The following JAKMIP3 variants were observed in gnomAD, a reference collection of about 807,000 sequenced individuals.
JAKMIP3 encodes Janus kinase and microtubule interacting protein 3.
JAKMIP3 carries 58 observed loss-of-function variants against 118.5 expected under a neutral mutation model. The ratio of observed to expected loss-of-function variants is 0.49; its 90% CI spans 0.40 to 0.61. The LOEUF (loss-of-function observed/expected upper bound fraction) is 0.61, where lower values mean the gene tolerates loss of function less well. JAKMIP3 is among the 20% of genes least tolerant of loss of function. The pLI is 0.00. For missense variants in JAKMIP3, 950 were observed against 1,109.0 expected (o/e 0.86, Z 2.04); for synonymous variants, 486 against 451.2 (o/e 1.08, Z -0.98).
At chr10:132,103,351 T>G (rs2045321350) in intron 1 of JAKMIP3, among the ~76,000 whole-genome samples, 1 of 143,310 alleles carries the variant, frequency 7.0e-6, no homozygotes, top group African/African-American at 2.6e-5. Flanking sequence ...AAGCAGCTGC[T>G]GGAGAGGAAC....
chr10:132,094,058 C>T (rs2134492930), intron 1 of JAKMIP3, among the ~76,000 whole-genome samples: 1 of 151,934 alleles, frequency 6.6e-6, no homozygotes, highest in South Asian at 2.1e-4. Flanking sequence ...TTGCCTCAGC[C>T]TCCCAAGTTG....
chr10:132,182,380 G>A lies in JAKMIP3; in HGVS notation c.*1127G>A, dbSNP rs2061579996. The A allele has an allele frequency of 6.6e-6, 1 of 152,236 alleles. No homozygotes were observed. Among genetic ancestry groups the A allele is most frequent in the African/African-American group, 2.4e-5 (1 of 41,452 alleles). 9.4% of individuals were successfully genotyped at this position (152,236 alleles called of 1,614,324 possible). ...AGAGAGGAAGCAGTGCATTGGTGAA[G>A]GCAACGTTAGGTGTGATTTCCATTC... is the stretch of plus-strand genomic sequence containing the variant. On this transcript the variant is annotated 3_prime_UTR_variant, in exon 24 of 24. Coordinates refer to ENST00000684848, the MANE Select transcript of JAKMIP3 (RefSeq NM_001323087.2).
chr10:132,097,904 TCCCC>T (rs2044148318), intron 1 of JAKMIP3, among the ~76,000 whole-genome samples: 5 of 62,726 alleles, frequency 8.0e-5, no homozygotes, highest in East Asian at 5.9e-4. Flanking sequence ...CCCTTCCCCT[TCCCC>T]TTCCCCTTCC....
intron 3 of JAKMIP3, among the ~76,000 whole-genome samples, chr10:132,131,888 G>A (rs1418128700): frequency 6.6e-6 from 1 of 152,150 alleles, no homozygotes; most frequent in Non-Finnish European, 1.5e-5. Context: ...GGGGTGCGGC[G>A]CCTGCACAGG....
chr10:132,057,394 G>C (rs1282275214), intron 1 of JAKMIP3, among the ~76,000 whole-genome samples: 1 of 152,234 alleles, frequency 6.6e-6, no homozygotes, highest in African/African-American at 2.4e-5. Context: ...TGTGGTTCCA[G>C]GAAGCCCAGA....
At chr10:132,094,472 TC>T (rs1430345489) in intron 1 of JAKMIP3, among the ~76,000 whole-genome samples, 11 of 152,144 alleles carry the variant, frequency 7.2e-5, no homozygotes, top group Non-Finnish European at 2.9e-5. Context: ...AGGGCTCTGC[TC>T]CTTTTCCTAT....
At chr10:132,076,370 T>C (rs1379824615) in intron 1 of JAKMIP3, among the ~76,000 whole-genome samples, 1 of 152,284 alleles carries the variant, frequency 6.6e-6, no homozygotes, top group Non-Finnish European at 1.5e-5. Context: ...AATAATATCC[T>C]ATCACGTGGA....
At chr10:132,105,217 A>G (rs11146178) in intron 2 of JAKMIP3, among the ~76,000 whole-genome samples, 100,029 of 152,198 alleles carry the variant, frequency 0.66, 33,340 homozygotes, top group East Asian at 0.9. Context: ...CTCCCATCTG[A>G]GGCCGCAGGG....
chr10:132,075,035 A>G (rs1032163343), intron 1 of JAKMIP3, among the ~76,000 whole-genome samples: 1 of 152,132 alleles, frequency 6.6e-6, no homozygotes, highest in African/African-American at 2.4e-5. Flanking sequence ...CCATTGATCT[A>G]TGTGTCTATT....
chr10:132,086,753 A>T (rs1428826273), intron 1 of JAKMIP3, among the ~76,000 whole-genome samples: 1 of 152,002 alleles, frequency 6.6e-6, no homozygotes, highest in Non-Finnish European at 1.5e-5. Context: ...GTGAGTCCTT[A>T]TGTGTTAGGT....
chr10:132,172,744 C>T (rs867112961), intron 23 of JAKMIP3, among the ~76,000 whole-genome samples: 6 of 151,894 alleles, frequency 4.0e-5, no homozygotes, highest in Admixed American at 3.3e-4. Flanking sequence ...CCCCACAAGG[C>T]GGGGTCCATA....
intron 1 of JAKMIP3, among the ~76,000 whole-genome samples, chr10:132,050,646 G>A (rs2038071942): frequency 6.6e-6 from 1 of 151,872 alleles, no homozygotes; most frequent in Admixed American, 6.6e-5. Context: ...GGGGGGGGTT[G>A]ATTATGGTAA....
chr10:132,038,999 C>T (rs11146129), intron 1 of JAKMIP3, among the ~76,000 whole-genome samples: 2,059 of 152,190 alleles, frequency 0.014, 53 homozygotes, highest in African/African-American at 0.046. Flanking sequence ...CGGAGCCGCT[C>T]GTGAGGCCAC....
intron 23 of JAKMIP3, among the ~76,000 whole-genome samples, chr10:132,170,966 C>T (rs1281304095): frequency 6.6e-6 from 1 of 152,220 alleles, no homozygotes; most frequent in Non-Finnish European, 1.5e-5. Flanking sequence ...AGCTGTCAGC[C>T]CCAGATGCTC....
chr10:132,117,642 C>T lies in JAKMIP3; in HGVS notation c.633+68C>T, dbSNP rs900680293. The T allele has an allele frequency of 4.2e-5, 35 of 841,986 alleles. No individual in the cohort carries two copies. In the Admixed American group the frequency reaches 1.1e-3, roughly 27 times the overall value. The allele number at this position is 841,986 out of a possible 1,614,324, so 52.2% of individuals were successfully genotyped here. On this transcript the variant is annotated intron_variant, in intron 3 of 23. Coordinates refer to ENST00000684848, the MANE Select transcript of JAKMIP3 (RefSeq NM_001323087.2). This position sits in a 1 kb window ranked among gnomAD's most constrained non-coding sequence, Gnocchi z 8.6. ...GCGGGCGTGGGCGAGGGTGCAGGGG[C>T]GGGCGTGGGCGAGGGTGCAGGCGTG...
At chr10:132,081,316 A>G (rs1401370436) in intron 1 of JAKMIP3, among the ~76,000 whole-genome samples, 1 of 152,210 alleles carries the variant, frequency 6.6e-6, no homozygotes, top group Non-Finnish European at 1.5e-5. Flanking sequence ...TTGCTTCTAT[A>G]AGATTATTGT....
chr10:132,087,052 G>A (rs1247910491), intron 1 of JAKMIP3, among the ~76,000 whole-genome samples: 1 of 152,168 alleles, frequency 6.6e-6, no homozygotes, highest in Admixed American at 6.5e-5. Flanking sequence ...TTGTAGTGCT[G>A]GCTTGGTAGT....
upstream of JAKMIP3, among the ~76,000 whole-genome samples, chr10:132,063,564 C>T (rs1335598725): frequency 6.6e-6 from 1 of 152,232 alleles, no homozygotes; most frequent in Non-Finnish European, 1.5e-5. Context: ...TAAGCTGGAA[C>T]GCCGGGTGTC....
chr10:132,150,818 A>G (rs565699986), intron 16 of JAKMIP3, among the ~76,000 whole-genome samples: 1 of 147,740 alleles, frequency 6.8e-6, no homozygotes, highest in Admixed American at 6.6e-5. Context: ...TAATCCATCT[A>G]TCTGTCCTCC....
Sources: allele counts gnomAD v4.1 joint callset (sites outside exome capture counted in the v4.1 genomes callset), GRCh38; gene constraint gnomAD v4.1.1; non-coding constraint Gnocchi (gnomAD v3.1); transcripts MANE v1.5; gene names NCBI Gene and HGNC (gene_info 2026-07-23, HGNC 2026-07-21).